The following FAM161B variants were observed in gnomAD, a reference collection of about 807,000 sequenced individuals.
The protein encoded by FAM161B is FAM161 centrosomal protein B, also known as protein FAM161B.
A neutral mutation model predicts 61.5 loss-of-function variants in FAM161B; 46 were observed. The observed-to-expected ratio is 0.75, with a 90% CI of 0.59 to 0.96. FAM161B has a LOEUF of 0.96. Ranked by LOEUF, FAM161B falls within the 40% of genes least tolerant of loss-of-function variation. FAM161B has a pLI of 0.00. For missense variants in FAM161B, 774 were observed against 800.7 expected, an observed-to-expected ratio of 0.97 and a Z score of 0.40; for synonymous variants, 284 against 302.7, an observed-to-expected ratio of 0.94 and a Z score of 0.64.
downstream of FAM161B, chr14:73,927,819 TA>T (rs2055855027): frequency 6.6e-6 from 1 of 150,796 alleles, no homozygotes; most frequent in Non-Finnish European, 1.4e-5. Context: ...AGTGACCAAT[TA>T]ATCAACCGGC....
downstream of FAM161B, among the ~76,000 whole-genome samples, chr14:73,931,286 A>G (rs2055910132): frequency 6.6e-6 from 1 of 152,322 alleles, no homozygotes; most frequent in South Asian, 2.1e-4. Flanking sequence ...TTTGATTGCC[A>G]GAGTTAAAAT....
At chr14:73,937,211 C>T (rs1045556170) in intron 7 of FAM161B, among the ~76,000 whole-genome samples, 6 of 152,168 alleles carry the variant, frequency 3.9e-5, no homozygotes, top group African/African-American at 1.4e-4. Flanking sequence ...GCTCTAGAGG[C>T]TGGGGAGGCC....
Position 73,942,709 on chromosome 14 carries a change from T to C in FAM161B, c.932A>G (p.Glu311Gly). The C allele has an allele frequency of 6.2e-7, 1 of 1,611,398 alleles. No individual in the cohort carries two copies. The highest frequency in any genetic ancestry group is 8.5e-7 in the Non-Finnish European group (1 of 1,178,038). Residue 311 changes from glutamate to glycine, a missense_variant, in exon 4 of 9, where the codon GAG becomes GGG. Glu to Gly is a moderately conservative substitution (Grantham distance 98). Transcript: ENST00000286544. ...PALGDKLQEA[E>G]LFRKIRIQMR... Reference sequence around the variant, plus strand: ...TTGGATGCGAATTTTCCTGAAGAGCTCAGCTTCTGTGGAGAAAGGATGGTG... The same window carrying C: ...TTGGATGCGAATTTTCCTGAAGAGCCCAGCTTCTGTGGAGAAAGGATGGTG...
chr14:73,946,664 A>G, intron 1 of FAM161B, 59 bp from the exon 2 acceptor site: 1 of 1,544,000 alleles, frequency 6.5e-7, no homozygotes, highest in South Asian at 1.2e-5. Context: ...TATTCAAATC[A>G]TAACTTAATT....
Position 73,946,272 on chromosome 14 carries a change from C to T in FAM161B, c.374+14G>A, listed in dbSNP as rs1366096720. 1 of 1,605,942 alleles carries T rather than the reference C, an allele frequency of 6.2e-7. No individual in the cohort carries two copies. The highest frequency in any genetic ancestry group is 1.1e-5 in the South Asian group (1 of 90,510). ...GGTGTGGAGTGAGGCAGCCGTGGAG[C>T]TGCAGTGCCTTACCTCAGAGCCTGC... On this transcript the variant is annotated intron_variant, in intron 2 of 8. Transcript: ENST00000286544.
At position 73,944,630 on chromosome 14, in the gene FAM161B, G is replaced by A. The variant is rs748616136; in HGVS notation, c.630C>T (p.Ala210=). ...GTGCCCGGAACTGCCTGTGGCACTC[G>A]GCCTCTTCCTCACCCTGCCTCTGGG... is the stretch of plus-strand genomic sequence containing the variant. ...QRAQRQGEEE[A]ECHRQFRAQP... is the part of the protein sequence containing the mutation. The change falls in exon 3 of 9, where the codon GCC becomes GCT. Residue 210 remains alanine, a synonymous_variant. Transcript: ENST00000286544. The A allele has an allele frequency of 1.5e-5, 24 of 1,613,760 alleles. No homozygotes were observed. The highest frequency in any genetic ancestry group is 8.0e-5 in the African/African-American group (6 of 74,906).
At chr14:73,942,095 G>A (rs1040330168) in intron 4 of FAM161B, among the ~76,000 whole-genome samples, 2 of 152,018 alleles carry the variant, frequency 1.3e-5, no homozygotes, top group African/African-American at 4.8e-5. Context: ...CAGCCAGAAG[G>A]TCCTCCCACC....
In FAM161B at chr14:73,946,428, C is replaced by T; in HGVS notation, c.232G>A (p.Gly78Arg). 1 of 1,614,158 alleles carries T rather than the reference C, an allele frequency of 6.2e-7. No homozygotes were observed. Among genetic ancestry groups the T allele is most frequent in the South Asian group, 1.1e-5 (1 of 91,076 alleles). The change falls in exon 2 of 9, where the codon GGG (glycine) becomes AGG (arginine). Residue 78 changes from glycine to arginine, a missense_variant. By Grantham distance (125) the Gly-to-Arg change is moderately radical. Coordinates refer to ENST00000286544, the MANE Select transcript of FAM161B (RefSeq NM_152445.3). ...AGAGACTCCAACAGACACCATCTCC[C>T]TTTCTGCTTCAGTTCCTGTAAGTTC... ...YQNLQELKQK[G>R]RWCLLESLFQ...
intron 8 of FAM161B, among the ~76,000 whole-genome samples, chr14:73,934,725 G>A (rs2055956725): frequency 1.3e-5 from 2 of 152,050 alleles, no homozygotes; most frequent in African/African-American, 4.8e-5. Flanking sequence ...GGGATTACAG[G>A]CGTGAGCCAC....
chr14:73,923,379 TTC>T, the FAM161B span: 1 of 1,608,842 alleles, frequency 6.2e-7, no homozygotes, highest in South Asian at 1.1e-5. Context: ...TGAAACATTT[TTC>T]TGTTGCTTCA....
intron 4 of FAM161B, among the ~76,000 whole-genome samples, chr14:73,941,395 T>G (rs2056017614): frequency 6.6e-6 from 1 of 152,152 alleles, no homozygotes; most frequent in African/African-American, 2.4e-5. Context: ...GTGCTGGGAT[T>G]ACAGGTGTGA....
At chr14:73,925,938 G>T in the FAM161B span, among the ~76,000 whole-genome samples, 3 of 152,208 alleles carry the variant, frequency 2.0e-5, no homozygotes, top group African/African-American at 7.2e-5. Context: ...GGAGGCTGAA[G>T]TAGGAGGATC....
chr14:73,931,027 ATTC>A (rs2055904373), downstream of FAM161B, among the ~76,000 whole-genome samples: 1 of 152,200 alleles, frequency 6.6e-6, no homozygotes, highest in African/African-American at 2.4e-5. Context: ...TAGGCTTATC[ATTC>A]TTTTAAGCCC....
At chr14:73,942,121 G>A (rs2056023998) in intron 4 of FAM161B, among the ~76,000 whole-genome samples, 1 of 152,150 alleles carries the variant, frequency 6.6e-6, no homozygotes, top group Non-Finnish European at 1.5e-5. Flanking sequence ...CTCCTGAATG[G>A]CTGGAACTAC....
intron 5 of FAM161B, among the ~76,000 whole-genome samples, chr14:73,939,050 G>A (rs557909982): frequency 6.6e-6 from 1 of 152,066 alleles, no homozygotes; most frequent in Non-Finnish European, 1.5e-5. Flanking sequence ...TGTAATCTCA[G>A]CACTTTGGGA....
At chr14:73,926,786 G>C (rs1412999779), downstream of FAM161B, among the ~76,000 whole-genome samples, 1 of 152,114 alleles carries the variant, frequency 6.6e-6, no homozygotes, top group African/African-American at 2.4e-5. Context: ...GGTTTTGGCT[G>C]ATTGACTCCT....
At chr14:73,929,729 A>T (rs1294882492), downstream of FAM161B, among the ~76,000 whole-genome samples, 1 of 151,906 alleles carries the variant, frequency 6.6e-6, no homozygotes, top group Non-Finnish European at 1.5e-5. Flanking sequence ...AGGTGAGAGG[A>T]TCACTTGGGC....
chr14:73,929,766 A>G (rs191991653), downstream of FAM161B, among the ~76,000 whole-genome samples: 200 of 152,148 alleles, frequency 1.3e-3, no homozygotes, highest in African/African-American at 4.6e-3. Context: ...GTAGTGAGCC[A>G]TGATCTTGCC....
Position 73,937,955 on chromosome 14 carries a change from C to G in FAM161B, c.1558G>C (p.Glu520Gln), listed in dbSNP as rs765641458. Residue 520 changes from glutamate (E) to glutamine (Q), a missense_variant, in exon 6 of 9, where the codon GAG becomes CAG. Transcript: ENST00000286544. ...CACATAGAGGACACTGACCGGTTCT[C>G]TTTCAGCTTTGCTTTGAACACTTCC... ...LEEVFKAKLK[E>Q]NRNNDRKRAK... 2.5e-6 allele frequency: 4 copies of G among 1,614,112 alleles called. No homozygotes were observed. In the East Asian group the frequency reaches 8.9e-5, roughly 36 times the overall value.
Sources: gnomAD v4.1 joint callset for allele counts (sites outside exome capture counted in the v4.1 genomes callset) on GRCh38, gnomAD v4.1.1 for gene constraint, MANE v1.5 for transcripts, NCBI Gene and HGNC (gene_info 2026-07-23, HGNC 2026-07-21) for gene names.